Variants in EML5 observed in about 807,000 individuals in gnomAD.
EML5 encodes EMAP like 5.
EML5 carries 120 observed loss-of-function variants against 250.0 expected under a neutral mutation model. The observed-to-expected ratio is 0.48, with a 90% CI of 0.41 to 0.56. EML5 has a LOEUF of 0.56. Among genes scored for constraint, EML5 ranks in the 20% least tolerant of loss-of-function variants. The probability of loss-of-function intolerance (pLI) is 0.00; values close to 1 mark genes in which losing one functional copy is unlikely to be tolerated. For missense variants in EML5, 2,006 were observed against 2,437.6 expected, an observed-to-expected ratio of 0.82 and a Z score of 3.73; for synonymous variants, 771 against 806.5, an observed-to-expected ratio of 0.96 and a Z score of 0.75.
intron 21 of EML5, among the ~76,000 whole-genome samples, chr14:88,670,318 T>G (rs1294127342): frequency 1.7e-5 from 1 of 57,922 alleles, no homozygotes; most frequent in African/African-American, 1.3e-4. Context: ...GGACTCCATC[T>G]CAAAAAAAAA....
In EML5 at chr14:88,714,859, G is replaced by A. The variant is rs1475311361; in HGVS notation, c.1444+80C>T. The A allele has an allele frequency of 2.9e-6, 4 of 1,366,476 alleles. No individual in the cohort carries two copies. The African/African-American group carries it at 5.8e-5, about 20-fold the overall frequency. The allele number at this position is 1,366,476 out of a possible 1,614,324, so 84.6% of individuals were successfully genotyped here. ...CTTCTTTGATTTCCTATGATCAAAT[G>A]TAACTTACACTCTGCTTCCAGTAAA... is the stretch of plus-strand genomic sequence containing the variant. On this transcript the variant is annotated intron_variant, in intron 9 of 43. Coordinates refer to ENST00000554922, the MANE Select transcript of EML5 (RefSeq NM_183387.3).
Position 88,775,183 on chromosome 14 carries a change from T to A in EML5, c.197+17124A>T, listed in dbSNP as rs573541900. On this transcript the variant is annotated intron_variant, in intron 1 of 43. Coordinates refer to ENST00000554922, the MANE Select transcript of EML5 (RefSeq NM_183387.3). ...TGGCTTCAGGTAGGATACAGCACAT[T>A]ATCAACTGTGGTGGCCATGGGGCGA... Among the ~76,000 whole-genome samples, 13 of 152,254 alleles carry A rather than the reference T, an allele frequency of 8.5e-5. 1 individual carries two copies. The South Asian group carries it at 2.7e-3, about 31-fold the overall frequency.
intron 8 of EML5, among the ~76,000 whole-genome samples, chr14:88,724,630 C>T (rs1332696139): frequency 6.6e-6 from 1 of 152,162 alleles, no homozygotes. Context: ...AGGTGTTTTA[C>T]ATGCATCTTA....
At chr14:88,769,841 TC>T (rs888275325) in intron 1 of EML5, among the ~76,000 whole-genome samples, 28 of 152,132 alleles carry the variant, frequency 1.8e-4, no homozygotes, top group African/African-American at 6.8e-4. Context: ...AACTTCTTAC[TC>T]CAAGAGTGAG....
Position 88,681,950 on chromosome 14 carries a change from A to G in EML5, c.3064T>C (p.Leu1022=). 1 of 1,613,662 alleles carries G rather than the reference A, an allele frequency of 6.2e-7. No individual in the cohort carries two copies. Among genetic ancestry groups the G allele is most frequent in the South Asian group, 1.1e-5 (1 of 91,020 alleles). The change falls in exon 21 of 44, where the codon TTA becomes CTA. Residue 1022 remains leucine (L), a synonymous_variant. Transcript: ENST00000554922. ...ICATVSDDKT[L]RIWDLSPSHC... ...CTAGGTGAGAGATCCCATATTCTTA[A>G]GGTTTTATCATCGCTTACAGTAGCA...
intron 1 of EML5, among the ~76,000 whole-genome samples, chr14:88,757,167 A>G (rs530799192): frequency 6.6e-6 from 1 of 152,328 alleles, no homozygotes; most frequent in East Asian, 1.9e-4. Context: ...AAGTAAACCC[A>G]TACATTTGTG....
intron 21 of EML5, among the ~76,000 whole-genome samples, chr14:88,679,785 G>A (rs914646426): frequency 6.6e-6 from 1 of 152,158 alleles, no homozygotes. Context: ...TCAAACAAGA[G>A]ATAGTATTAT....
Position 88,697,248 on chromosome 14 carries a change from G to A in EML5, c.2239-296C>T, listed in dbSNP as rs142288977. On this transcript the variant is annotated intron_variant, in intron 14 of 43. Coordinates refer to ENST00000554922, the MANE Select transcript of EML5 (RefSeq NM_183387.3). The stretch of plus-strand genomic sequence containing the variant: ...CTTACTGAATATCTATTGTTTGTAT[G>A]CTAGATACAACGAGCAATAAGACAT... Among the ~76,000 whole-genome samples the A allele has an allele frequency of 2.0e-5, 3 of 152,166 alleles. No homozygotes were observed. In the East Asian group the frequency reaches 5.8e-4, roughly 29 times the overall value.
At chr14:88,647,727 T>A (rs2091426168) in intron 28 of EML5, among the ~76,000 whole-genome samples, 1 of 145,542 alleles carries the variant, frequency 6.9e-6, no homozygotes, top group Admixed American at 6.8e-5. Context: ...CTCCATTAAT[T>A]AATAACAGGG....
chr14:88,629,694 T>C (rs990686139), intron 33 of EML5, among the ~76,000 whole-genome samples: 1 of 152,214 alleles, frequency 6.6e-6, no homozygotes, highest in African/African-American at 2.4e-5. Flanking sequence ...TATTTTCTAA[T>C]GCTTACCTTC....
chr14:88,649,018 G>A (rs1475126921), intron 28 of EML5, among the ~76,000 whole-genome samples: 1 of 151,724 alleles, frequency 6.6e-6, no homozygotes, highest in Non-Finnish European at 1.5e-5. Context: ...TTTTCCTAGT[G>A]ATACCTTCCT....
intron 1 of EML5, among the ~76,000 whole-genome samples, chr14:88,759,274 T>C (rs2140432936): frequency 6.6e-6 from 1 of 152,312 alleles, no homozygotes; most frequent in Non-Finnish European, 1.5e-5. Flanking sequence ...TTCAAAATTC[T>C]GGCTCTGCTC....
rs570475894 is a variant in EML5 at position 88,622,125 on chromosome 14, T to C, written c.5013+479A>G. On this transcript the variant is annotated intron_variant, in intron 37 of 43. Coordinates refer to ENST00000554922, the MANE Select transcript of EML5 (RefSeq NM_183387.3). ...GTTTCTGCACAGGAGTGAGAACATG[T>C]ATTTATCTTTCTGTGCCTGGCTTAT... The C allele has an allele frequency of 5.2e-4, 106 of 202,790 alleles. 6 individuals carry two copies. The South Asian group carries it at 9.0e-3, about 17-fold the overall frequency. The allele number at this position is 202,790 out of a possible 1,614,324, so 12.6% of individuals were successfully genotyped here. A position where few individuals can be genotyped will look rare whatever the true frequency, so the allele number is the denominator to read the frequency against.
chr14:88,666,647 A>G (rs937436060), intron 21 of EML5, among the ~76,000 whole-genome samples: 1 of 152,214 alleles, frequency 6.6e-6, no homozygotes, highest in Non-Finnish European at 1.5e-5. Context: ...TGATAAATTA[A>G]TATCGTTCAT....
chr14:88,724,569 TA>T (rs36017434), intron 8 of EML5, among the ~76,000 whole-genome samples: 2 of 151,380 alleles, frequency 1.3e-5, no homozygotes, highest in African/African-American at 4.9e-5. Context: ...AATGTATAAC[TA>T]AAAAAAAATC....
rs1439368049 is a variant in EML5 at position 88,740,444 on chromosome 14, C to T, written c.654G>A (p.Gly218=). ...DELTYSGALN[G]DIYVWKGINL... ...TGATTCCTTTCCAAACATATATATC[C>T]CCATTGAGTGCACCAGAATATGTTA... is the stretch of plus-strand genomic sequence containing the variant. Residue 218 remains glycine (G), a synonymous_variant, in exon 5 of 44, where the codon GGG becomes GGA. Coordinates refer to ENST00000554922, the MANE Select transcript of EML5 (RefSeq NM_183387.3). 5 of 1,613,580 alleles carry T rather than the reference C, an allele frequency of 3.1e-6. No homozygotes were observed. The highest frequency in any genetic ancestry group is 4.2e-6 in the Non-Finnish European group (5 of 1,179,788).
intron 21 of EML5, among the ~76,000 whole-genome samples, chr14:88,669,824 A>T (rs1482590663): frequency 6.6e-6 from 1 of 152,128 alleles, no homozygotes. Context: ...TAGACACCTT[A>T]TACAGGGGCG....
Position 88,613,520 on chromosome 14 carries a change from CTATT to C in EML5, c.*2294_*2297del, listed in dbSNP as rs2087152843. On this transcript the variant is annotated 3_prime_UTR_variant, in exon 44 of 44. Coordinates refer to ENST00000554922, the MANE Select transcript of EML5 (RefSeq NM_183387.3). ...AATACTAAAATCTGATTGTTTTTTG[CTATT>C]TAATAGCCACTGCCCAGACACATAT... 2.6e-5 allele frequency: 4 copies of C among 152,088 alleles called. No homozygotes were observed. The South Asian group carries it at 8.3e-4, about 32-fold the overall frequency. 9.4% of individuals were successfully genotyped at this position (152,088 alleles called of 1,614,324 possible).
At chr14:88,790,182 A>G (rs2094591454) in intron 1 of EML5, among the ~76,000 whole-genome samples, 1 of 152,176 alleles carries the variant, frequency 6.6e-6, no homozygotes, top group Non-Finnish European at 1.5e-5. Context: ...TGATTCCTAA[A>G]TTATATTCTC....
Sources: gnomAD v4.1 joint callset for allele counts (sites outside exome capture counted in the v4.1 genomes callset) on GRCh38, gnomAD v4.1.1 for gene constraint, MANE v1.5 for transcripts, NCBI Gene and HGNC (gene_info 2026-07-23, HGNC 2026-07-21) for gene names.